TRPC3: variants seen among roughly 807,000 people sequenced by gnomAD.
TRPC3 encodes short transient receptor potential channel 3.
A neutral mutation model predicts 90.9 loss-of-function variants in TRPC3; 54 were observed. That is an observed-to-expected ratio of 0.59 (90% CI 0.48 to 0.75). The LOEUF is 0.75. Among genes scored for constraint, TRPC3 ranks in the 30% least tolerant of loss-of-function variants. TRPC3 has a pLI of 0.00. For missense variants in TRPC3, 918 were observed against 1,194.5 expected, an observed-to-expected ratio of 0.77 and a Z score of 3.41; for synonymous variants, 424 against 450.9, an observed-to-expected ratio of 0.94 and a Z score of 0.75.
intron 6 of TRPC3, among the ~76,000 whole-genome samples, chr4:121,908,407 A>G (rs1728962124): frequency 6.6e-6 from 1 of 152,146 alleles, no homozygotes; most frequent in South Asian, 2.1e-4. Context: ...ATATTGTTTT[A>G]CCAAAAGACA....
chr4:121,894,252 G>GA (rs1272345364), intron 10 of TRPC3, among the ~76,000 whole-genome samples: 2 of 151,936 alleles, frequency 1.3e-5, no homozygotes, highest in African/African-American at 4.8e-5. Context: ...TTTAAAAAGA[G>GA]ACAAAGAAAG....
At position 121,896,512 on chromosome 4, in the gene TRPC3, A is replaced by C. The variant is rs536175399; in HGVS notation, c.2547+3100T>G. On this transcript the variant is annotated intron_variant, in intron 10 of 11. Coordinates refer to ENST00000379645, the MANE Select transcript of TRPC3 (RefSeq NM_001130698.2). ...ACAAAAATCAGTTGCATTTCTATACACGAACAACAAACTACTTGAAAAAGA... is the reference window on the plus strand; with the variant it reads ...ACAAAAATCAGTTGCATTTCTATACCCGAACAACAAACTACTTGAAAAAGA... 3.3e-5 allele frequency among the ~76,000 whole-genome samples: 5 copies of C among 152,260 alleles called. No homozygotes were observed. The South Asian group carries it at 1.0e-3, about 32-fold the overall frequency.
At chr4:121,908,028 A>C (rs1027761536) in intron 6 of TRPC3, among the ~76,000 whole-genome samples, 6 of 152,144 alleles carry the variant, frequency 3.9e-5, no homozygotes, top group African/African-American at 1.4e-4. Flanking sequence ...CAAATAAAAT[A>C]TTTCGAGGAG....
chr4:121,909,841 A>C (rs377731133), intron 6 of TRPC3, among the ~76,000 whole-genome samples: 1 of 152,198 alleles, frequency 6.6e-6, no homozygotes, highest in East Asian at 1.9e-4. Flanking sequence ...TCCCTAATTA[A>C]GACAGTCTCC....
chr4:121,940,125 G>A (rs1173491716), intron 1 of TRPC3, among the ~76,000 whole-genome samples: 1 of 152,134 alleles, frequency 6.6e-6, no homozygotes, highest in Non-Finnish European at 1.5e-5. Context: ...TGGGGGACAA[G>A]AATCAGAAAG....
chr4:121,933,756 A>T (rs1730036543), intron 1 of TRPC3, among the ~76,000 whole-genome samples: 1 of 152,142 alleles, frequency 6.6e-6, no homozygotes, highest in African/African-American at 2.4e-5. Context: ...GACTACAGGC[A>T]CATGCCACTT....
intron 1 of TRPC3, among the ~76,000 whole-genome samples, chr4:121,938,019 TAA>T (rs539296935): frequency 1.2e-4 from 17 of 141,992 alleles, no homozygotes; most frequent in African/African-American, 3.8e-4. Flanking sequence ...TGAATTTATT[TAA>T]AAAAAAAAAA....
chr4:121,882,319 T>C, intron 11 of TRPC3, 35 bp downstream of exon 11: 1 of 1,571,438 alleles, frequency 6.4e-7, no homozygotes, highest in Non-Finnish European at 8.7e-7. Context: ...TTAAGTTAGC[T>C]ATAAAAGGAT....
At chr4:121,939,956 AAGGGT>A (rs1283111099) in intron 1 of TRPC3, among the ~76,000 whole-genome samples, 1 of 152,212 alleles carries the variant, frequency 6.6e-6, no homozygotes, top group Non-Finnish European at 1.5e-5. Flanking sequence ...GAGCAGGGGA[AAGGGT>A]AGTTCCCGAG....
intron 9 of TRPC3, among the ~76,000 whole-genome samples, chr4:121,901,423 G>C (rs1364492764): frequency 1.3e-5 from 2 of 152,154 alleles, no homozygotes; most frequent in Admixed American, 1.3e-4. Context: ...GAGAGAGCTA[G>C]GCATCTGATG....
intron 7 of TRPC3, among the ~76,000 whole-genome samples, chr4:121,905,924 T>C (rs1214045695): frequency 6.6e-6 from 1 of 152,130 alleles, no homozygotes; most frequent in African/African-American, 2.4e-5. Context: ...ATAATCTTTT[T>C]GTTCCTACCA....
At chr4:121,937,484 C>G (rs1177195875) in intron 1 of TRPC3, among the ~76,000 whole-genome samples, 6 of 152,188 alleles carry the variant, frequency 3.9e-5, no homozygotes, top group African/African-American at 7.2e-5. Flanking sequence ...AGCTATTTAC[C>G]TAAACCACAG....
chr4:121,902,385 G>T (rs1728734243), intron 9 of TRPC3, among the ~76,000 whole-genome samples: 1 of 152,024 alleles, frequency 6.6e-6, no homozygotes, highest in Admixed American at 6.6e-5. Context: ...GGATGCTCTT[G>T]GGCCTGTATC....
chr4:121,887,999 A>ATT lies in TRPC3; in HGVS notation c.2548-5572_2548-5571dup, dbSNP rs35430221. On this transcript the variant is annotated intron_variant, in intron 10 of 11. Transcript: ENST00000379645. The stretch of plus-strand genomic sequence containing the variant: ...CACTATTGATCAAAACATTTTTGGT[A>ATT]TTTTTTTTTTTGAGAGAAAGCGTCT... Among the ~76,000 whole-genome samples the ATT allele has an allele frequency of 5.0e-3, 747 of 148,636 alleles. 9 individuals are homozygous for ATT. Among genetic ancestry groups the ATT allele is most frequent in the African/African-American group, 0.015 (595 of 40,614 alleles).
At position 121,905,179 on chromosome 4, in the gene TRPC3, G is replaced by A. The variant is rs558500145; in HGVS notation, c.2058-662C>T. On this transcript the variant is annotated intron_variant, in intron 7 of 11. Transcript: ENST00000379645. Reference sequence around the variant, plus strand: ...TCTATCATTTAAATAAAAAAGAAGGGCATACAAATACTTATATTCTTTTTT... The same window carrying A: ...TCTATCATTTAAATAAAAAAGAAGGACATACAAATACTTATATTCTTTTTT... Among the ~76,000 whole-genome samples the A allele has an allele frequency of 2.3e-4, 35 of 151,874 alleles. 1 individual carries two copies. The highest frequency in any genetic ancestry group is 2.3e-3 in the South Asian group (11 of 4,802).
In TRPC3 at chr4:121,932,491, C is replaced by T. The variant is rs748331473; in HGVS notation, c.767G>A (p.Gly256Asp). Residue 256 changes from glycine to aspartate, a missense_variant, in exon 2 of 12, where the codon GGT becomes GAT. Gly to Asp is a moderately conservative substitution (Grantham distance 94). Around this residue, in one of 4 missense-constraint regions of TRPC3, gnomAD observed 609 missense variants for 725.9 expected, o/e 0.84. Coordinates refer to ENST00000379645, the MANE Select transcript of TRPC3 (RefSeq NM_001130698.2). This position sits in a 1 kb window ranked among gnomAD's most constrained non-coding sequence, Gnocchi z 7.7. ...YEVVHMLLMKGARIERPHDYF... is the reference protein window; with the variant it reads ...YEVVHMLLMKDARIERPHDYF... ...GTCGTGCGGCCGCTCGATCCTGGCA[C>T]CCTTCATCAGCAGCATGTGCACCAC... The T allele has an allele frequency of 6.2e-7, 1 of 1,614,238 alleles. No individual in the cohort carries two copies. Among genetic ancestry groups the T allele is most frequent in the African/African-American group, 1.3e-5 (1 of 75,070 alleles).
Position 121,911,930 on chromosome 4 carries a change from A to T in TRPC3, c.1505T>A (p.Val502Glu). ...AGTCCATGTAAACTGGGTGGTTTTC[A>T]CCCTGAAGATCTGTTTGGGATAGTC... The part of the protein sequence containing the change: ...VTDYPKQIFR[V>E]KTTQFTWTEM... Residue 502 changes from valine to glutamate, a missense_variant, in exon 5 of 12, where the codon GTG (valine) becomes GAG (glutamate). Val to Glu is a moderately radical substitution (Grantham distance 121, BLOSUM62 -2). Transcript: ENST00000379645. The T allele has an allele frequency of 6.2e-7, 1 of 1,613,866 alleles. No homozygotes were observed. The highest frequency in any genetic ancestry group is 8.5e-7 in the Non-Finnish European group (1 of 1,179,820).
At chr4:121,886,784 T>C (rs1229363071) in intron 10 of TRPC3, among the ~76,000 whole-genome samples, 1 of 152,152 alleles carries the variant, frequency 6.6e-6, no homozygotes, top group Non-Finnish European at 1.5e-5. Flanking sequence ...GGTTTCCCAG[T>C]TCTGTTGACC....
chr4:121,927,053 T>C (rs1430085075), intron 2 of TRPC3, among the ~76,000 whole-genome samples: 1 of 152,146 alleles, frequency 6.6e-6, no homozygotes, highest in Non-Finnish European at 1.5e-5. Flanking sequence ...TGTTTGTTTG[T>C]TTGTCTGAAG....
Sources: allele counts gnomAD v4.1 joint callset (sites outside exome capture counted in the v4.1 genomes callset), GRCh38; gene constraint gnomAD v4.1.1; regional missense constraint gnomAD v4.1.1; non-coding constraint Gnocchi (gnomAD v3.1); transcripts MANE v1.5; gene names NCBI Gene and HGNC (gene_info 2026-07-23, HGNC 2026-07-21).